Variants in MDN1 observed in about 807,000 individuals in gnomAD.
MDN1 encodes the protein midasin.
In MDN1, 266 loss-of-function variants were observed where a neutral mutation model predicts 669.2. The ratio of observed to expected loss-of-function variants is 0.40; its 90% CI spans 0.36 to 0.44. MDN1 has a LOEUF of 0.44. Among genes scored for constraint, MDN1 ranks in the 20% least tolerant of loss-of-function variants. The probability of loss-of-function intolerance (pLI) is 1.00; values close to 1 mark genes in which losing one functional copy is unlikely to be tolerated. For missense variants in MDN1, 5,940 were observed against 6,754.0 expected, an observed-to-expected ratio of 0.88 and a Z score of 4.22; for synonymous variants, 2,385 against 2,457.1, an observed-to-expected ratio of 0.97 and a Z score of 0.87.
At chr6:89,806,361 G>A (rs1018381445) in intron 1 of MDN1, among the ~76,000 whole-genome samples, 22 of 152,050 alleles carry the variant, frequency 1.4e-4, no homozygotes, top group African/African-American at 5.1e-4. Context: ...CCAGGAGTTC[G>A]AGACCAACCT....
intron 7 of MDN1, among the ~76,000 whole-genome samples, chr6:89,788,877 G>A (rs1361046592): frequency 6.6e-6 from 1 of 152,190 alleles, no homozygotes; most frequent in Non-Finnish European, 1.5e-5. Flanking sequence ...TGTAATCCCA[G>A]CACTTTGGGA....
chr6:89,745,171 AAAG>A (rs2128317712), intron 29 of MDN1, 99 bp downstream of exon 29: 1 of 1,077,858 alleles, frequency 9.3e-7, no homozygotes, highest in Non-Finnish European at 1.2e-6. Flanking sequence ...AGGAAGGAGG[AAAG>A]AAGGGGGGAT....
At chr6:89,746,613 AAG>A (rs1491201769) in intron 27 of MDN1, among the ~76,000 whole-genome samples, 12 of 7,604 alleles carry the variant, frequency 1.6e-3, no homozygotes, top group African/African-American at 5.1e-3. Context: ...AAAAAAAAAA[AAG>A]AAAGAAAGAA....
Position 89,727,939 on chromosome 6 carries a change from A to C in MDN1, c.5366T>G (p.Phe1789Cys). Residue 1789 changes from phenylalanine to cysteine, a missense_variant, in exon 37 of 102, where the codon TTT (phenylalanine) becomes TGT (cysteine). By Grantham distance (205) the Phe-to-Cys change is radical. Around this residue, in one of 5 missense-constraint regions of MDN1, gnomAD observed 2,292 missense variants for 2,638.3 expected, o/e 0.87. Coordinates refer to ENST00000369393, the MANE Select transcript of MDN1 (RefSeq NM_014611.3). Reference sequence around the variant, plus strand: ...ACCTTCAACAGGTAGATCTGCTCCAAACAGGTCTGTGATGTCCTTTGAAAG... The same window carrying C: ...ACCTTCAACAGGTAGATCTGCTCCACACAGGTCTGTGATGTCCTTTGAAAG... ...LSEQTDITDL[F>C]GADLPVEGGK... The C allele has an allele frequency of 6.2e-7, 1 of 1,613,782 alleles. No homozygotes were observed. The highest frequency in any genetic ancestry group is 8.5e-7 in the Non-Finnish European group (1 of 1,179,796).
intron 97 of MDN1, among the ~76,000 whole-genome samples, chr6:89,648,989 TAAA>T (rs35332439): frequency 2.7e-4 from 37 of 135,000 alleles, no homozygotes; most frequent in Non-Finnish European, 4.1e-4. Flanking sequence ...ACCCTGTCTT[TAAA>T]AAAAAAAAAA....
At chr6:89,661,135 G>A (rs1345021980) in intron 88 of MDN1, among the ~76,000 whole-genome samples, 1 of 152,224 alleles carries the variant, frequency 6.6e-6, no homozygotes, top group Non-Finnish European at 1.5e-5. Flanking sequence ...GGGATACACA[G>A]TAATGGCTGT....
chr6:89,702,711 T>G (rs1813237099), intron 53 of MDN1, among the ~76,000 whole-genome samples: 1 of 152,258 alleles, frequency 6.6e-6, no homozygotes, highest in Non-Finnish European at 1.5e-5. Context: ...TCTCTCACAG[T>G]ATGTTCATAA....
In MDN1 at chr6:89,699,589, T is replaced by G; in HGVS notation, c.8997+12A>C. ...AATGTAAAGGAGGCTTATGTCTTATTGTGATTTTTACCTTCTGATGATGCA... is the reference window on the plus strand; with the variant it reads ...AATGTAAAGGAGGCTTATGTCTTATGGTGATTTTTACCTTCTGATGATGCA... On this transcript the variant is annotated intron_variant, in intron 58 of 101. Coordinates refer to ENST00000369393, the MANE Select transcript of MDN1 (RefSeq NM_014611.3). 6.2e-7 allele frequency: 1 copy of G among 1,609,668 alleles called. No individual in the cohort carries two copies. The highest frequency in any genetic ancestry group is 8.5e-7 in the Non-Finnish European group (1 of 1,178,150).
At chr6:89,645,445 A>G (rs1451512134) in intron 100 of MDN1, among the ~76,000 whole-genome samples, 1 of 152,224 alleles carries the variant, frequency 6.6e-6, no homozygotes, top group African/African-American at 2.4e-5. Context: ...GTTCTGCTCA[A>G]CTTCAAATTG....
chr6:89,712,212 G>A lies in MDN1; in HGVS notation c.7475C>T (p.Ser2492Phe), dbSNP rs1813990538. 1 of 1,614,090 alleles carries A rather than the reference G, an allele frequency of 6.2e-7. No individual in the cohort carries two copies. Among genetic ancestry groups the A allele is most frequent in the African/African-American group, 1.3e-5 (1 of 75,028 alleles). ...GAATTTCAGGTTCTCAGGGCTGGGG[G>A]ACTGCATAATTTTCTCTAAGTCTTG... ...TLQDLEKIMQ[S>F]PSPENLKFNA... Residue 2492 changes from serine to phenylalanine, a missense_variant, in exon 49 of 102, where the codon TCC becomes TTC. Physicochemically the swap from Ser to Phe is radical, Grantham distance 155 (BLOSUM62 -2). Transcript: ENST00000369393.
chr6:89,720,026 A>G (rs976124852), intron 40 of MDN1, among the ~76,000 whole-genome samples: 5 of 152,098 alleles, frequency 3.3e-5, no homozygotes, highest in East Asian at 3.8e-4. Context: ...TTAAAGCCAG[A>G]AAAAAAATAA....
chr6:89,790,323 G>C lies in MDN1; in HGVS notation c.934C>G (p.Leu312Val), dbSNP rs1819187832. 1 of 1,614,100 alleles carries C rather than the reference G, an allele frequency of 6.2e-7. No homozygotes were observed. Among genetic ancestry groups the C allele is most frequent in the African/African-American group, 1.3e-5 (1 of 74,998 alleles). ...YVLVESVCKS[L>V]QTLAMAVASQ... ...GCAACCGCCATAGCCAGGGTCTGAA[G>C]ACTTTTGCAGACAGACTCAACCAGC... The change falls in exon 6 of 102, where the codon CTT becomes GTT. Residue 312 changes from leucine (L) to valine (V), a missense_variant. This residue lies in a region of MDN1 where 1,203 missense variants were observed against 1,268.9 expected (regional missense o/e 0.95). Transcript: ENST00000369393.
At chr6:89,804,992 G>A (rs1009486460) in intron 1 of MDN1, among the ~76,000 whole-genome samples, 20 of 131,668 alleles carry the variant, frequency 1.5e-4, no homozygotes, top group Middle Eastern at 4.8e-3. Flanking sequence ...AGCCGAGATC[G>A]TGCCACTGCA....
chr6:89,711,339 T>C (rs1424204037), intron 49 of MDN1, among the ~76,000 whole-genome samples: 1 of 151,938 alleles, frequency 6.6e-6, no homozygotes, highest in South Asian at 2.1e-4. Context: ...ATTCAAAAAT[T>C]TAAAAAAACA....
chr6:89,743,292 A>G lies in MDN1; in HGVS notation c.4318-12T>C. 1 of 1,614,024 alleles carries G rather than the reference A, an allele frequency of 6.2e-7. No individual in the cohort carries two copies. Among genetic ancestry groups the G allele is most frequent in the Non-Finnish European group, 8.5e-7 (1 of 1,179,940 alleles). ...GTGTCAATTTCTTCCTATAATTTGA[A>G]AAAGTGGGGAAAATTAAAGGGCAGG... On this transcript the variant is annotated splice_polypyrimidine_tract_variant and intron_variant, in intron 30 of 101. Transcript: ENST00000369393.
intron 62 of MDN1, 142 bp from the exon 63 acceptor site, chr6:89,693,290 T>C (rs1562099202): frequency 3.2e-6 from 2 of 622,756 alleles, no homozygotes; most frequent in Non-Finnish European, 5.6e-6. Flanking sequence ...GTTGTGATAA[T>C]ACTGACAATT....
At chr6:89,646,371 C>A (rs192216036) in intron 100 of MDN1, among the ~76,000 whole-genome samples, 169 bp downstream of exon 100, 181 of 152,312 alleles carry the variant, frequency 1.2e-3, no homozygotes, top group Admixed American at 3.2e-3. Context: ...ACAAAAATTT[C>A]TGAATGAATG....
At chr6:89,683,081 T>C in intron 73 of MDN1, 51 bp downstream of exon 73, 1 of 1,580,918 alleles carries the variant, frequency 6.3e-7, no homozygotes, top group Non-Finnish European at 8.7e-7. Flanking sequence ...AAAACACAGA[T>C]CCCACTTGAC....
chr6:89,683,731 C>T (rs902933317), intron 72 of MDN1, 100 bp downstream of exon 72: 1 of 869,212 alleles, frequency 1.2e-6, no homozygotes, highest in Non-Finnish European at 1.9e-6. Flanking sequence ...GTTTAACACA[C>T]TTAATATTAA....
Sources: allele counts gnomAD v4.1 joint callset (sites outside exome capture counted in the v4.1 genomes callset), GRCh38; gene constraint gnomAD v4.1.1; regional missense constraint gnomAD v4.1.1; transcripts MANE v1.5; gene names NCBI Gene and HGNC (gene_info 2026-07-23, HGNC 2026-07-21).